Variants in CDHR3 observed in about 807,000 individuals in gnomAD.
CDHR3 encodes the protein cadherin related family member 3, also known as cadherin-related family member 3.
A neutral mutation model predicts 86.6 loss-of-function variants in CDHR3; 79 were observed. The ratio of observed to expected loss-of-function variants is 0.91; its 90% CI spans 0.76 to 1.10. The LOEUF (loss-of-function observed/expected upper bound fraction) is 1.10. CDHR3 is among the 50% of genes least tolerant of loss of function. The pLI, the probability that CDHR3 is intolerant of heterozygous loss-of-function variation, is 0.00. For missense variants in CDHR3, 1,081 were observed against 1,077.6 expected (o/e 1.00, Z -0.04); for synonymous variants, 421 against 402.4 (o/e 1.05, Z -0.55).
At chr7:105,992,817 T>G (rs753645890) in intron 4 of CDHR3, among the ~76,000 whole-genome samples, 7 of 152,226 alleles carry the variant, frequency 4.6e-5, no homozygotes, top group Non-Finnish European at 1.0e-4. Context: ...AAATGAGATT[T>G]AATAGGTGGC....
chr7:106,019,454 A>G (rs1442122400), intron 12 of CDHR3, among the ~76,000 whole-genome samples: 1 of 151,908 alleles, frequency 6.6e-6, no homozygotes, highest in African/African-American at 2.4e-5. Flanking sequence ...TGAACATTTC[A>G]ATTTATTCCC....
chr7:105,979,399 C>G (rs1054980477), intron 2 of CDHR3, among the ~76,000 whole-genome samples: 6 of 152,136 alleles, frequency 3.9e-5, no homozygotes, highest in Admixed American at 2.6e-4. Flanking sequence ...TCTTCCATAC[C>G]CTCTCCTTTC....
At chr7:106,027,742 A>C (rs527500368) in intron 16 of CDHR3, 4 of 423,414 alleles carry the variant, frequency 9.4e-6, no homozygotes, top group African/African-American at 8.3e-5. Context: ...CAGGGTTAGA[A>C]ATTTGATTAT....
chr7:105,989,875 C>T (rs1212453836), intron 4 of CDHR3, among the ~76,000 whole-genome samples: 1 of 152,168 alleles, frequency 6.6e-6, no homozygotes, highest in African/African-American at 2.4e-5. Context: ...CCCCACCATA[C>T]ACCCCCACCT....
At chr7:106,022,485 C>A in intron 14 of CDHR3, 37 bp downstream of exon 14, 1 of 1,600,822 alleles carries the variant, frequency 6.2e-7, no homozygotes, top group Non-Finnish European at 8.5e-7. Flanking sequence ...CAGGCACATT[C>A]CCTTGTGAGT....
At chr7:105,963,847 A>G (rs1233831888) in intron 1 of CDHR3, among the ~76,000 whole-genome samples, 2 of 152,176 alleles carry the variant, frequency 1.3e-5, no homozygotes, top group African/African-American at 4.8e-5. Flanking sequence ...TCAAAGACTC[A>G]AGCTAGTGAT....
At chr7:106,022,015 C>A (rs2072161) in intron 13 of CDHR3, among the ~76,000 whole-genome samples, 183 bp from the exon 14 acceptor site, 20,254 of 152,176 alleles carry the variant, frequency 0.13, 3,415 homozygotes, top group African/African-American at 0.37. Context: ...TGTACTAATG[C>A]CATCTCTGGT....
intron 12 of CDHR3, 135 bp downstream of exon 12, chr7:106,018,207 A>G: frequency 1.5e-6 from 1 of 670,864 alleles, no homozygotes; most frequent in Non-Finnish European, 2.5e-6. Context: ...AGAAACAAGT[A>G]AAGGTGCCCT....
intron 7 of CDHR3, among the ~76,000 whole-genome samples, chr7:106,001,865 G>T (rs1239837724): frequency 6.6e-6 from 1 of 152,128 alleles, no homozygotes; most frequent in Non-Finnish European, 1.5e-5. Context: ...TTGTTGTATT[G>T]TTTAGGGAAT....
In CDHR3 at chr7:105,993,818, G is replaced by C. The variant is rs898828118; in HGVS notation, c.514-933G>C. 2.0e-5 allele frequency among the ~76,000 whole-genome samples: 3 copies of C among 152,108 alleles called. No homozygotes were observed. In the East Asian group the frequency reaches 5.8e-4, roughly 29 times the overall value. On this transcript the variant is annotated intron_variant, in intron 4 of 18. Transcript: ENST00000317716. ...CAATCCTGATGGGCTGCCATGGGTG[G>C]CACGGGCATGGTCTTCCTATGGGCT...
chr7:106,020,519 A>T lies in CDHR3; in HGVS notation c.1800A>T (p.Arg600Ser), dbSNP rs1371321087. ...GTACCGACCTTGATTCCAGCCCCAG[A>T]TCTTTCCGTTATTCCATTGGCCCAG... ...LTCTDLDSSP[R>S]SFRYSIGPGN... The change falls in exon 13 of 19, where the codon AGA becomes AGT. Residue 600 changes from arginine to serine, a missense_variant. Physicochemically the swap from Arg to Ser is moderately radical, Grantham distance 110. Coordinates refer to ENST00000317716, the MANE Select transcript of CDHR3 (RefSeq NM_152750.5). 6.2e-7 allele frequency: 1 copy of T among 1,613,708 alleles called. No homozygotes were observed. The highest frequency in any genetic ancestry group is 1.7e-5 in the Admixed American group (1 of 59,994).
At position 106,036,096 on chromosome 7, in the gene CDHR3, G is replaced by A. The variant is rs1231207754; in HGVS notation, c.*3399G>A. On this transcript the variant is annotated 3_prime_UTR_variant, in exon 19 of 19. Transcript: ENST00000317716. The stretch of plus-strand genomic sequence containing the variant: ...AGACCACGTAACAATTATAATTGTC[G>A]AAGACTTTGAAACTGCATAGTAGAT... 6.6e-6 allele frequency: 1 copy of A among 152,090 alleles called. No individual in the cohort carries two copies. The highest frequency in any genetic ancestry group is 2.1e-4 in the South Asian group (1 of 4,812). 9.4% of individuals were successfully genotyped at this position (152,090 alleles called of 1,614,324 possible).
chr7:105,981,141 A>G lies in CDHR3; in HGVS notation c.415+8A>G. 6.2e-7 allele frequency: 1 copy of G among 1,612,984 alleles called. No individual in the cohort carries two copies. Among genetic ancestry groups the G allele is most frequent in the Non-Finnish European group, 8.5e-7 (1 of 1,179,420 alleles). ...AAGGCAACTTGGCAGAAGGTAGGATACACCAGGATGTGCACTGCAGCCCAG... is the reference window on the plus strand; with the variant it reads ...AAGGCAACTTGGCAGAAGGTAGGATGCACCAGGATGTGCACTGCAGCCCAG... On this transcript the variant is annotated splice_region_variant and intron_variant, in intron 3 of 18. Coordinates refer to ENST00000317716, the MANE Select transcript of CDHR3 (RefSeq NM_152750.5).
At chr7:106,016,281 C>A (rs990160418) in intron 11 of CDHR3, among the ~76,000 whole-genome samples, 9 of 152,186 alleles carry the variant, frequency 5.9e-5, no homozygotes, top group African/African-American at 1.9e-4. Flanking sequence ...TGCTTCCTTG[C>A]CTGTTTGCCT....
intron 17 of CDHR3, among the ~76,000 whole-genome samples, chr7:106,029,504 A>G (rs959953225): frequency 1.3e-5 from 2 of 152,066 alleles, no homozygotes; most frequent in African/African-American, 2.4e-5. Flanking sequence ...ACACAAATGC[A>G]AAGTGTTACA....
chr7:106,026,095 C>T (rs1365259488), intron 15 of CDHR3, among the ~76,000 whole-genome samples: 1 of 152,192 alleles, frequency 6.6e-6, no homozygotes, highest in African/African-American at 2.4e-5. Context: ...GAAAAACTAG[C>T]TAGAAAACCA....
chr7:105,976,312 C>T (rs971349429), intron 2 of CDHR3, among the ~76,000 whole-genome samples: 9 of 152,122 alleles, frequency 5.9e-5, no homozygotes, highest in African/African-American at 2.2e-4. Context: ...CATCTTATTA[C>T]CTCCTTTTCA....
chr7:106,007,415 G>A (rs1307153804), intron 8 of CDHR3, among the ~76,000 whole-genome samples: 1 of 152,162 alleles, frequency 6.6e-6, no homozygotes, highest in Non-Finnish European at 1.5e-5. Context: ...AAACTTTTAA[G>A]CTCTGCTTCC....
chr7:106,029,554 C>CTT (rs1838016601), intron 17 of CDHR3, among the ~76,000 whole-genome samples: 1 of 147,742 alleles, frequency 6.8e-6, no homozygotes, highest in African/African-American at 2.5e-5. Context: ...CTCTGTCTCT[C>CTT]TCTCTCTCTC....
Sources: allele counts gnomAD v4.1 joint callset (sites outside exome capture counted in the v4.1 genomes callset), GRCh38; gene constraint gnomAD v4.1.1; transcripts MANE v1.5; gene names NCBI Gene and HGNC (gene_info 2026-07-23, HGNC 2026-07-21).